HJURP: variants seen among roughly 807,000 people sequenced by gnomAD.
The protein encoded by HJURP is 14-3-3-associated AKT substrate.
In HJURP, 49 loss-of-function variants were observed where a neutral mutation model predicts 72.0. The observed-to-expected ratio is 0.68, with a 90% confidence interval of 0.54 to 0.86. HJURP has a LOEUF of 0.86. Ranked by LOEUF, HJURP falls within the 40% of genes least tolerant of loss-of-function variation. HJURP has a pLI of 0.00. For missense variants in HJURP, 908 were observed against 936.3 expected, an observed-to-expected ratio of 0.97 and a Z score of 0.39; for synonymous variants, 357 against 347.1, an observed-to-expected ratio of 1.03 and a Z score of -0.32.
chr2:233,840,345 T>C (rs2124959800), intron 8 of HJURP, among the ~76,000 whole-genome samples: 1 of 152,360 alleles, frequency 6.6e-6, no homozygotes, highest in Admixed American at 6.5e-5. Flanking sequence ...AGCCTCTGAA[T>C]GCATTCTAAT....
chr2:233,837,956 A>T (rs886513271), intron 8 of HJURP, among the ~76,000 whole-genome samples: 2 of 152,230 alleles, frequency 1.3e-5, no homozygotes, highest in Non-Finnish European at 2.9e-5. Context: ...GACTTAAGCT[A>T]CTTTTCCATA....
At chr2:233,850,661 A>C (rs1286732043) in intron 3 of HJURP, among the ~76,000 whole-genome samples, 1 of 152,252 alleles carries the variant, frequency 6.6e-6, no homozygotes, top group Non-Finnish European at 1.5e-5. Context: ...ACCCAGGAGC[A>C]CTACAGGGTA....
At chr2:233,847,668 G>A (rs1224403729) in intron 4 of HJURP, among the ~76,000 whole-genome samples, 4 of 152,186 alleles carry the variant, frequency 2.6e-5, no homozygotes, top group Non-Finnish European at 5.9e-5. Flanking sequence ...TGGGGCCATG[G>A]AGTGAGGAAA....
intron 8 of HJURP, among the ~76,000 whole-genome samples, chr2:233,839,797 C>G (rs1559494943): frequency 6.6e-6 from 1 of 152,146 alleles, no homozygotes; most frequent in East Asian, 1.9e-4. Context: ...GAAGAGGATA[C>G]TGGAGACACG....
chr2:233,837,657 G>GAA lies in HJURP; in HGVS notation c.2172-7_2172-6dup. 9.9e-6 allele frequency: 14 copies of GAA among 1,418,588 alleles called. No homozygotes were observed. Among genetic ancestry groups the GAA allele is most frequent in the Admixed American group, 4.3e-5 (2 of 46,642 alleles). The allele number at this position is 1,418,588 out of a possible 1,614,324, so 87.9% of individuals were successfully genotyped here. A position where few individuals can be genotyped will look rare whatever the true frequency, so the allele number is the denominator to read the frequency against. The stretch of plus-strand genomic sequence containing the variant: ...CTGTAAGACGTGTTCTCTCCTCTAG[G>GAA]AAAAAAAAAAGACAAAGAAAATGAT... On this transcript the variant is annotated splice_region_variant and splice_polypyrimidine_tract_variant and intron_variant, in intron 8 of 8. Coordinates refer to ENST00000411486, the MANE Select transcript of HJURP (RefSeq NM_018410.5).
Position 233,840,613 on chromosome 2 carries a change from C to G in HJURP, c.2167G>C (p.Glu723Gln). 1.3e-6 allele frequency: 2 copies of G among 1,585,474 alleles called. No homozygotes were observed. The highest frequency in any genetic ancestry group is 4.5e-5 in the East Asian group (2 of 44,694). Residue 723 changes from glutamate (E) to glutamine (Q), a missense_variant, in exon 8 of 9, where the codon GAG (glutamate) becomes CAG (glutamine). Physicochemically the swap from Glu to Gln is conservative, Grantham distance 29. Transcript: ENST00000411486. ...AACCAACAGAAACACACCTACCTCT[C>G]TTCTGAGTTGGGCTGTGAAGAGCTG... ...QGSSSQPNSEERGENTSYRME... is the reference protein window; with the variant it reads ...QGSSSQPNSEQRGENTSYRME...
intron 7 of HJURP, among the ~76,000 whole-genome samples, chr2:233,843,133 C>CA (rs1257004835): frequency 1.3e-5 from 2 of 151,396 alleles, no homozygotes; most frequent in African/African-American, 2.4e-5. Context: ...CTACAGGAAG[C>CA]AAAAAAAAGA....
chr2:233,842,281 A>G, intron 7 of HJURP, 76 bp from the exon 8 acceptor site: 1 of 1,291,316 alleles, frequency 7.7e-7, no homozygotes, highest in Non-Finnish European at 1.1e-6. Flanking sequence ...GACAGAACTT[A>G]AGATTGGATC....
intron 3 of HJURP, among the ~76,000 whole-genome samples, chr2:233,851,944 A>C (rs1705505057): frequency 6.6e-6 from 1 of 152,210 alleles, no homozygotes. Flanking sequence ...ACTGAATACC[A>C]GATAACCTGG....
intron 7 of HJURP, among the ~76,000 whole-genome samples, chr2:233,842,591 TAA>T (rs774748958): frequency 1.4e-5 from 1 of 70,644 alleles, no homozygotes. Context: ...TTCCTATATT[TAA>T]AAAAAAAAAA....
At chr2:233,845,039 A>G (rs1559497669) in intron 6 of HJURP, among the ~76,000 whole-genome samples, 1 of 151,450 alleles carries the variant, frequency 6.6e-6, no homozygotes, top group Non-Finnish European at 1.5e-5. Context: ...CTTGCAGCTG[A>G]TTCTAGCCTG....
intron 5 of HJURP, among the ~76,000 whole-genome samples, 165 bp downstream of exon 5, chr2:233,847,232 C>G (rs975672797): frequency 1.3e-5 from 2 of 152,124 alleles, no homozygotes; most frequent in African/African-American, 4.8e-5. Context: ...TGAAGGGAAT[C>G]GACACGAGGA....
intron 6 of HJURP, 43 bp from the exon 7 acceptor site, chr2:233,844,326 G>A: frequency 6.7e-7 from 1 of 1,492,436 alleles, no homozygotes; most frequent in Non-Finnish European, 9.3e-7. Context: ...GTTGCCAGGT[G>A]TCAACTGGGT....
At position 233,848,416 on chromosome 2, in the gene HJURP, G is replaced by T. The variant is rs553280066; in HGVS notation, c.338-955C>A. Among the ~76,000 whole-genome samples the T allele has an allele frequency of 2.0e-5, 3 of 152,340 alleles. No individual in the cohort carries two copies. The East Asian group carries it at 5.8e-4, about 29-fold the overall frequency. ...TACCCCAAAAGCAATGGGAAGCCAC[G>T]TGTTGCATCAGAGAAGCGGCTTGAC... On this transcript the variant is annotated intron_variant, in intron 4 of 8. Coordinates refer to ENST00000411486, the MANE Select transcript of HJURP (RefSeq NM_018410.5).
chr2:233,839,558 C>G (rs1705166188), intron 8 of HJURP, among the ~76,000 whole-genome samples: 1 of 152,230 alleles, frequency 6.6e-6, no homozygotes, highest in Admixed American at 6.5e-5. Flanking sequence ...AGTGTGGTCT[C>G]TGCCATGCAC....
Position 233,846,026 on chromosome 2 carries a change from C to A in HJURP, c.403-206G>T. On this transcript the variant is annotated intron_variant, in intron 5 of 8. Coordinates refer to ENST00000411486, the MANE Select transcript of HJURP (RefSeq NM_018410.5). The surrounding 1 kb of genome is among the most constrained non-coding windows in gnomAD (Gnocchi z 4.3). ...CCAAAAGAATGTAAAAAGACACACA[C>A]ACACAAAAAAACCATGTCTAGAGAA... 2 of 505,018 alleles carry A rather than the reference C, an allele frequency of 4.0e-6. No homozygotes were observed. The highest frequency in any genetic ancestry group is 3.5e-4 in the Middle Eastern group (1 of 2,848). 31.3% of individuals were successfully genotyped at this position (505,018 alleles called of 1,614,324 possible). A position where few individuals can be genotyped will look rare whatever the true frequency, so the allele number is the denominator to read the frequency against.
At position 233,837,327 on chromosome 2, in the gene HJURP, C is replaced by G. The variant is rs572692759; in HGVS notation, c.*250G>C. The G allele has an allele frequency of 3.2e-5, 10 of 311,152 alleles. 1 individual carries two copies. In the South Asian group the frequency reaches 4.8e-4, roughly 15 times the overall value. The allele number at this position is 311,152 out of a possible 1,614,324, so 19.3% of individuals were successfully genotyped here. ...AAACAAACAAACAAATAACCCCCCC[C>G]CAAAAAAAACACACACATCAGAAAA... On this transcript the variant is annotated 3_prime_UTR_variant, in exon 9 of 9. Coordinates refer to ENST00000411486, the MANE Select transcript of HJURP (RefSeq NM_018410.5).
intron 6 of HJURP, 68 bp downstream of exon 6, chr2:233,845,658 AAC>A: frequency 1.0e-6 from 1 of 977,506 alleles, no homozygotes; most frequent in Non-Finnish European, 1.6e-6. Context: ...AAAGCATAAT[AAC>A]ACTGTACCTC....
chr2:233,854,339 C>A (rs1421979750), intron 1 of HJURP, 45 bp downstream of exon 1: 2 of 1,414,320 alleles, frequency 1.4e-6, no homozygotes, highest in Admixed American at 1.7e-5. Context: ...CAGCCTCACT[C>A]CGACACGCAG....
Sources: gnomAD v4.1 joint callset for allele counts (sites outside exome capture counted in the v4.1 genomes callset) on GRCh38, gnomAD v4.1.1 for gene constraint, Gnocchi (gnomAD v3.1) non-coding constraint, MANE v1.5 for transcripts, NCBI Gene and HGNC (gene_info 2026-07-23, HGNC 2026-07-21) for gene names.